ALKBH1: variants seen among roughly 807,000 people sequenced by gnomAD.
ALKBH1 encodes nucleic acid dioxygenase ALKBH1.
In ALKBH1, 31 loss-of-function variants were observed where a neutral mutation model predicts 36.6. That is an observed-to-expected ratio of 0.85 (90% CI 0.64 to 1.14). ALKBH1 has a LOEUF of 1.14. Among genes scored for constraint, ALKBH1 ranks in the 50% most tolerant of loss-of-function variants. The pLI, the probability that ALKBH1 is intolerant of heterozygous loss-of-function variation, is 0.00. For missense variants in ALKBH1, 490 were observed against 497.3 expected (o/e 0.99, Z 0.14); for synonymous variants, 183 against 186.6 (o/e 0.98, Z 0.16).
chr14:77,676,004 T>TC (rs1283773507), intron 4 of ALKBH1, among the ~76,000 whole-genome samples, 155 bp from the exon 5 acceptor site: 2 of 151,744 alleles, frequency 1.3e-5, no homozygotes, highest in African/African-American at 4.8e-5. Context: ...TTTTCTTTTT[T>TC]TTTTTTTTTA....
At chr14:77,699,486 A>G (rs1351616030) in intron 2 of ALKBH1, among the ~76,000 whole-genome samples, 2 of 152,224 alleles carry the variant, frequency 1.3e-5, no homozygotes, top group East Asian at 1.9e-4. Flanking sequence ...AGTGTCAGAC[A>G]CTGTGCCAGC....
chr14:77,693,661 T>C (rs988136481), intron 3 of ALKBH1, among the ~76,000 whole-genome samples: 1 of 152,150 alleles, frequency 6.6e-6, no homozygotes, highest in African/African-American at 2.4e-5. Context: ...TTAGTTCAAA[T>C]GGACAGTGAA....
chr14:77,693,901 C>T (rs1390451011), intron 3 of ALKBH1, among the ~76,000 whole-genome samples: 3 of 152,066 alleles, frequency 2.0e-5, no homozygotes, highest in African/African-American at 4.8e-5. Flanking sequence ...GCAGGAGAAT[C>T]GTTTTAATCC....
At chr14:77,696,086 T>TC (rs2080325301) in intron 2 of ALKBH1, among the ~76,000 whole-genome samples, 1 of 152,174 alleles carries the variant, frequency 6.6e-6, no homozygotes, top group Non-Finnish European at 1.5e-5. Context: ...AGCCAGACTC[T>TC]GTCTCAAAAA....
intron 3 of ALKBH1, among the ~76,000 whole-genome samples, chr14:77,684,354 G>A (rs2080255922): frequency 6.8e-6 from 1 of 146,358 alleles, no homozygotes; most frequent in Non-Finnish European, 1.5e-5. Context: ...ATAACAGATT[G>A]CTTTATTCTT....
In ALKBH1 at chr14:77,679,945, G is replaced by A. The variant is rs1385588662; in HGVS notation, c.481C>T (p.Pro161Ser). 6.2e-7 allele frequency: 1 copy of A among 1,613,974 alleles called. No homozygotes were observed. The highest frequency in any genetic ancestry group is 8.5e-7 in the Non-Finnish European group (1 of 1,179,954). Residue 161 changes from proline to serine, a missense_variant, in exon 4 of 6, where the codon CCC becomes TCC. Physicochemically the swap from Pro to Ser is moderately conservative, Grantham distance 74. Coordinates refer to ENST00000216489, the MANE Select transcript of ALKBH1 (RefSeq NM_006020.3). The part of the protein sequence containing the change: ...LRYKEATKRR[P>S]RSLLEKLRWV... ...CGCAGTTTCTCCAGTAAACTTCGGG[G>A]TCTCCGTTTAGTCGCTTCTTTATAC...
chr14:77,694,523 C>T (rs971317436), intron 3 of ALKBH1, among the ~76,000 whole-genome samples: 10 of 152,082 alleles, frequency 6.6e-5, no homozygotes, highest in Non-Finnish European at 1.5e-4. Context: ...ATAAGCAAGT[C>T]TTTAAAATGG....
At chr14:77,685,833 A>G (rs79986930) in intron 3 of ALKBH1, among the ~76,000 whole-genome samples, 3,171 of 152,284 alleles carry the variant, frequency 0.021, 100 homozygotes, top group African/African-American at 0.07. Context: ...CAGGGATGTA[A>G]AACAAGCCAG....
chr14:77,701,413 C>A (rs1003468594), intron 2 of ALKBH1, among the ~76,000 whole-genome samples: 1 of 152,120 alleles, frequency 6.6e-6, no homozygotes, highest in African/African-American at 2.4e-5. Context: ...GGATATGAAC[C>A]CAGGTAACCT....
intron 3 of ALKBH1, among the ~76,000 whole-genome samples, chr14:77,686,497 C>T (rs952348890): frequency 6.8e-6 from 1 of 148,060 alleles, no homozygotes; most frequent in South Asian, 2.1e-4. Flanking sequence ...CTTCTCCAGG[C>T]ACTAGCAGAA....
At chr14:77,703,035 T>A (rs912502507) in intron 2 of ALKBH1, among the ~76,000 whole-genome samples, 1 of 151,470 alleles carries the variant, frequency 6.6e-6, no homozygotes, top group African/African-American at 2.4e-5. Flanking sequence ...ACCTGTAGTC[T>A]CAGCTACTCG....
chr14:77,682,202 G>T (rs2080241765), intron 3 of ALKBH1, among the ~76,000 whole-genome samples: 1 of 152,102 alleles, frequency 6.6e-6, no homozygotes, highest in Admixed American at 6.6e-5. Context: ...TTATTTTTGT[G>T]CATAAAAACT....
intron 3 of ALKBH1, among the ~76,000 whole-genome samples, chr14:77,693,392 C>CTA: frequency 6.6e-6 from 1 of 152,038 alleles, no homozygotes; most frequent in Admixed American, 6.6e-5. Context: ...TTGAACATAA[C>CTA]TAAAGTACAA....
intron 3 of ALKBH1, among the ~76,000 whole-genome samples, chr14:77,682,419 G>C (rs1350004031): frequency 6.6e-6 from 1 of 152,136 alleles, no homozygotes; most frequent in African/African-American, 2.4e-5. Flanking sequence ...AGTTACATAA[G>C]CACCTTATAG....
At chr14:77,675,994 TTTTC>T (rs2080203502) in intron 4 of ALKBH1, 145 bp from the exon 5 acceptor site, 9 of 749,718 alleles carry the variant, frequency 1.2e-5, no homozygotes, top group Middle Eastern at 4.0e-4. Flanking sequence ...CATTCTTTTC[TTTTC>T]TTTTTTTTTT....
chr14:77,700,854 G>C (rs1595059173), intron 2 of ALKBH1, among the ~76,000 whole-genome samples: 1 of 152,012 alleles, frequency 6.6e-6, no homozygotes, highest in Non-Finnish European at 1.5e-5. Context: ...CTGGGAGGCC[G>C]AGGCAGGGGG....
At chr14:77,706,808 C>G (rs1159236411) in intron 1 of ALKBH1, among the ~76,000 whole-genome samples, 1 of 152,012 alleles carries the variant, frequency 6.6e-6, no homozygotes, top group East Asian at 1.9e-4. Context: ...TTTTCCCTAA[C>G]AAATGAAGGT....
intron 3 of ALKBH1, chr14:77,692,059 T>C (rs796915454): frequency 5.9e-5 from 9 of 152,358 alleles, no homozygotes; most frequent in African/African-American, 1.9e-4. Context: ...CTTTACTCTG[T>C]TAGAATCGGC....
chr14:77,697,697 T>TAAA (rs57516221), intron 2 of ALKBH1, among the ~76,000 whole-genome samples: 16,165 of 104,078 alleles, frequency 0.16, 895 homozygotes, highest in East Asian at 0.29. Context: ...TTTGCTGTAA[T>TAAA]AAAAAAAAAA....
Sources: allele counts gnomAD v4.1 joint callset (sites outside exome capture counted in the v4.1 genomes callset), GRCh38; gene constraint gnomAD v4.1.1; transcripts MANE v1.5; gene names NCBI Gene and HGNC (gene_info 2026-07-23, HGNC 2026-07-21).